Variants in OCIAD1 observed in about 807,000 individuals in gnomAD.
OCIAD1 encodes OCIA domain containing 1, also known as OCIA domain-containing protein 1.
A neutral mutation model predicts 38.9 loss-of-function variants in OCIAD1; 29 were observed. The ratio of observed to expected loss-of-function variants is 0.74; its 90% CI spans 0.55 to 1.02. The LOEUF (loss-of-function observed/expected upper bound fraction) is 1.02, where lower values mean the gene tolerates loss of function less well. Ranked by LOEUF, OCIAD1 falls within the 50% of genes least tolerant of loss-of-function variation. The probability of loss-of-function intolerance (pLI) is 0.00; values close to 1 mark genes in which losing one functional copy is unlikely to be tolerated. For synonymous variants in OCIAD1, 110 were observed against 92.0 expected (o/e 1.20, Z -1.12); for missense variants, 288 against 289.6 (o/e 0.99, Z 0.04).
rs1777450139 is a variant in OCIAD1, at chr4:48,831,193, C to T, written c.-62C>T. 3 of 331,452 alleles carry T rather than the reference C, an allele frequency of 9.1e-6. No individual in the cohort carries two copies. The highest frequency in any genetic ancestry group is 6.9e-5 in the South Asian group (3 of 43,588). 20.5% of individuals were successfully genotyped at this position (331,452 alleles called of 1,614,324 possible). A position where few individuals can be genotyped will look rare whatever the true frequency, so the allele number is the denominator to read the frequency against. On this transcript the variant is annotated 5_prime_UTR_variant, in exon 1 of 9. Coordinates refer to ENST00000264312, the MANE Select transcript of OCIAD1 (RefSeq NM_017830.4). Reference sequence around the variant, plus strand: ...CCCCCTCTCGAGTCCACCCTCCGGGCCTTCTGCCCCTGATCGCTTGGTTTT... The same window carrying T: ...CCCCCTCTCGAGTCCACCCTCCGGGTCTTCTGCCCCTGATCGCTTGGTTTT...
At chr4:48,855,987 T>C (rs1415819039) in intron 7 of OCIAD1, 3 of 152,168 alleles carry the variant, frequency 2.0e-5, no homozygotes, top group Non-Finnish European at 4.4e-5. Context: ...GTATGTCTTA[T>C]TGAAAACATC....
intron 4 of OCIAD1, among the ~76,000 whole-genome samples, chr4:48,846,613 T>G (rs758209973): frequency 2.0e-5 from 3 of 152,074 alleles, no homozygotes; most frequent in Non-Finnish European, 4.4e-5. Context: ...CTGGGCATGG[T>G]GGTGTGCACC....
chr4:48,810,894 CTTTT>C (rs869120091), intron 1 of OCIAD1, among the ~76,000 whole-genome samples: 4 of 64,236 alleles, frequency 6.2e-5, no homozygotes, highest in Admixed American at 1.3e-4. Context: ...TTCTTTCTTT[CTTTT>C]TTTTTTTTTT....
At chr4:48,818,483 T>C (rs1777162398) in intron 1 of OCIAD1, among the ~76,000 whole-genome samples, 1 of 152,052 alleles carries the variant, frequency 6.6e-6, no homozygotes, top group South Asian at 2.1e-4. Flanking sequence ...AGTGCAAAAA[T>C]GCAGGAAATT....
Position 48,848,380 on chromosome 4 carries a change from ACTTAACT to A in OCIAD1, c.194-15_194-9del. On this transcript the variant is annotated splice_polypyrimidine_tract_variant and intron_variant, in intron 4 of 8. Coordinates refer to ENST00000264312, the MANE Select transcript of OCIAD1 (RefSeq NM_017830.4). ...TTCTGTAACAGTGTTACTCAGAAAT[ACTTAACT>A]CTTTTCTTTAGGAATACTTTCAAGT... is the stretch of plus-strand genomic sequence containing the variant. 1.5e-6 allele frequency: 2 copies of A among 1,306,752 alleles called. No individual in the cohort carries two copies. Among genetic ancestry groups the A allele is most frequent in the Non-Finnish European group, 2.2e-6 (2 of 912,214 alleles). The allele number at this position is 1,306,752 out of a possible 1,614,324, so 80.9% of individuals were successfully genotyped here.
At position 48,826,031 on chromosome 4, in the gene OCIAD1, T is replaced by G. The variant is rs544186166; in HGVS notation, c.-102-4546T>G. ...TTTGTAGTTTTAGGTAGAGACAGGG[T>G]TTCGCCGTGTTGGCCAGACTGGTCT... On this transcript the variant is annotated intron_variant, in intron 1 of 6. Transcript: ENST00000504654. Among the ~76,000 whole-genome samples the G allele has an allele frequency of 7.9e-5, 12 of 152,156 alleles. No individual in the cohort carries two copies. The East Asian group carries it at 2.3e-3, about 29-fold the overall frequency.
chr4:48,840,451 A>G (rs1440518836), intron 3 of OCIAD1, among the ~76,000 whole-genome samples: 1 of 152,178 alleles, frequency 6.6e-6, no homozygotes, highest in Non-Finnish European at 1.5e-5. Context: ...TTTCCAGCAA[A>G]GGTAAAATCT....
At chr4:48,850,174 A>C in intron 6 of OCIAD1, 92 bp downstream of exon 6, 1 of 1,332,120 alleles carries the variant, frequency 7.5e-7, no homozygotes, top group Non-Finnish European at 1.1e-6. Context: ...CATTGCCTGA[A>C]GGACCACTGG....
chr4:48,857,371 A>G lies in OCIAD1; in HGVS notation c.700+6A>G, dbSNP rs767560656. The G allele has an allele frequency of 4.6e-6, 7 of 1,532,484 alleles. No homozygotes were observed. The highest frequency in any genetic ancestry group is 6.1e-6 in the Non-Finnish European group (7 of 1,143,110). The allele number at this position is 1,532,484 out of a possible 1,614,324, so 94.9% of individuals were successfully genotyped here. ...AAGAGTGCCAAAAAAAGAAGGTATGATAGTTTAGTCTGAATCACTTTACTG... is the reference window on the plus strand; with the variant it reads ...AAGAGTGCCAAAAAAAGAAGGTATGGTAGTTTAGTCTGAATCACTTTACTG... On this transcript the variant is annotated splice_donor_region_variant and intron_variant, in intron 8 of 8. Coordinates refer to ENST00000264312, the MANE Select transcript of OCIAD1 (RefSeq NM_017830.4).
At chr4:48,844,815 G>A (rs1039476634) in intron 4 of OCIAD1, among the ~76,000 whole-genome samples, 10 of 152,054 alleles carry the variant, frequency 6.6e-5, no homozygotes, top group African/African-American at 2.2e-4. Context: ...TAAAGTTTAC[G>A]TGCATATCTG....
chr4:48,829,362 T>G (rs776309588), upstream of OCIAD1, among the ~76,000 whole-genome samples: 7 of 152,232 alleles, frequency 4.6e-5, no homozygotes, highest in Non-Finnish European at 8.8e-5. Context: ...CTTTTAATTT[T>G]CTTATTTTTG....
At chr4:48,855,815 CAA>C (rs752582945) in intron 7 of OCIAD1, among the ~76,000 whole-genome samples, 21 of 83,470 alleles carry the variant, frequency 2.5e-4, no homozygotes, top group Non-Finnish European at 2.5e-4. Context: ...GACTCTGTCT[CAA>C]AAAAAAAAAA....
intron 3 of OCIAD1, among the ~76,000 whole-genome samples, chr4:48,839,253 T>C (rs368869751): frequency 1.4e-4 from 21 of 152,178 alleles, no homozygotes; most frequent in African/African-American, 4.1e-4. Context: ...CTGGCTAACA[T>C]GGTGAAACCC....
intron 8 of OCIAD1, among the ~76,000 whole-genome samples, chr4:48,859,573 TTGAC>T (rs1247233380): frequency 1.3e-5 from 2 of 152,212 alleles, no homozygotes; most frequent in Non-Finnish European, 2.9e-5. Flanking sequence ...TTTTTGATTT[TTGAC>T]TGAAGTCTTC....
chr4:48,814,801 A>T lies in OCIAD1; in HGVS notation c.-103+9471A>T, dbSNP rs913127236. ...CAAACCAAGTCCTGGATGCTGTGTT[A>T]GGTACTTTATAACTTTATATGATTT... On this transcript the variant is annotated intron_variant, in intron 1 of 6. Coordinates refer to the OCIAD1 transcript ENST00000504654. Among the ~76,000 whole-genome samples the T allele has an allele frequency of 4.5e-4, 68 of 152,180 alleles. 1 individual carries two copies. Among genetic ancestry groups the T allele is most frequent in the South Asian group, 2.1e-3 (10 of 4,832 alleles).
upstream of OCIAD1, among the ~76,000 whole-genome samples, chr4:48,828,470 A>G (rs1181171643): frequency 6.6e-6 from 1 of 152,146 alleles, no homozygotes; most frequent in Non-Finnish European, 1.5e-5. Flanking sequence ...CACACTGTGG[A>G]AGCTTTGTTC....
chr4:48,852,677 CCT>C (rs1209980741), intron 7 of OCIAD1, among the ~76,000 whole-genome samples: 1 of 152,046 alleles, frequency 6.6e-6, no homozygotes, highest in African/African-American at 2.4e-5. Context: ...GATGATACTA[CCT>C]CTCTTAATGA....
chr4:48,838,916 C>T (rs1020900194), intron 3 of OCIAD1, among the ~76,000 whole-genome samples: 6 of 152,140 alleles, frequency 3.9e-5, no homozygotes, highest in South Asian at 2.1e-4. Context: ...TGCTTAAAAT[C>T]GTGACCCTAT....
chr4:48,825,148 A>G (rs1353274549), intron 1 of OCIAD1, among the ~76,000 whole-genome samples: 1 of 152,208 alleles, frequency 6.6e-6, no homozygotes, highest in African/African-American at 2.4e-5. Flanking sequence ...TTCAACCCCA[A>G]AAGTCCAGAC....
Sources: gnomAD v4.1 joint callset for allele counts (sites outside exome capture counted in the v4.1 genomes callset) on GRCh38, gnomAD v4.1.1 for gene constraint, MANE v1.5 for transcripts, NCBI Gene and HGNC (gene_info 2026-07-23, HGNC 2026-07-21) for gene names.